GPR63: variants seen among roughly 807,000 people sequenced by gnomAD.
The protein encoded by GPR63 is G protein-coupled receptor 63.
Under a neutral mutation model 23.1 loss-of-function variants are expected in GPR63, and 12 were observed. The ratio of observed to expected loss-of-function variants is 0.52; its 90% CI spans 0.33 to 0.84. The LOEUF (loss-of-function observed/expected upper bound fraction) is 0.84, where lower values mean the gene tolerates loss of function less well. Ranked by LOEUF, GPR63 falls within the 40% of genes least tolerant of loss-of-function variation. GPR63 has a pLI of 0.02. For missense variants in GPR63, 472 were observed against 515.6 expected, an observed-to-expected ratio of 0.92 and a Z score of 0.82; for synonymous variants, 172 against 191.1, an observed-to-expected ratio of 0.90 and a Z score of 0.82.
At position 96,798,429 on chromosome 6, in the gene GPR63, A is replaced by G. The variant is rs751094248; in HGVS notation, c.*43T>C. 3 of 1,583,290 alleles carry G rather than the reference A, an allele frequency of 1.9e-6. No homozygotes were observed. Among genetic ancestry groups the G allele is most frequent in the Non-Finnish European group, 2.6e-6 (3 of 1,164,358 alleles). ...CTATGAGAAAGAGAATTCAATGTCAATAAAGAACAAGCATCACCCAAAATG... is the reference window on the plus strand; with the variant it reads ...CTATGAGAAAGAGAATTCAATGTCAGTAAAGAACAAGCATCACCCAAAATG... On this transcript the variant is annotated 3_prime_UTR_variant, in exon 2 of 2. Coordinates refer to ENST00000229955, the MANE Select transcript of GPR63 (RefSeq NM_030784.4).
chr6:96,813,341 T>C (rs756780789), intron 1 of GPR63, among the ~76,000 whole-genome samples: 27 of 152,190 alleles, frequency 1.8e-4, no homozygotes, highest in Admixed American at 4.6e-4. Context: ...TTCCTTTTGC[T>C]TTGAATATAT....
intron 1 of GPR63, among the ~76,000 whole-genome samples, chr6:96,807,737 A>T (rs945549564): frequency 2.6e-5 from 4 of 152,236 alleles, no homozygotes; most frequent in Non-Finnish European, 5.9e-5. Context: ...GATATTCAGT[A>T]TTCAAAGGGG....
chr6:96,833,895 C>G (rs750310937), intron 1 of GPR63, among the ~76,000 whole-genome samples: 18 of 151,978 alleles, frequency 1.2e-4, no homozygotes, highest in Admixed American at 4.6e-4. Flanking sequence ...AATAATAACC[C>G]TATTATTAAT....
In GPR63 at chr6:96,798,188, C is replaced by G. The variant is rs1250852296; in HGVS notation, c.*284G>C. On this transcript the variant is annotated 3_prime_UTR_variant, in exon 2 of 2. Transcript: ENST00000229955. ...GCTCAATAAAGCACAATCCTGATTC[C>G]CACTATGAAAACAAAATCAATCAAG... is the stretch of plus-strand genomic sequence containing the variant. 2 of 329,046 alleles carry G rather than the reference C, an allele frequency of 6.1e-6. No individual in the cohort carries two copies. Among genetic ancestry groups the G allele is most frequent in the Non-Finnish European group, 1.1e-5 (2 of 180,504 alleles). The allele number at this position is 329,046 out of a possible 1,614,324, so 20.4% of individuals were successfully genotyped here. A position where few individuals can be genotyped will look rare whatever the true frequency, so the allele number is the denominator to read the frequency against.
intron 1 of GPR63, among the ~76,000 whole-genome samples, chr6:96,801,226 T>TTC (rs1554190911): frequency 1.3e-5 from 2 of 150,100 alleles, no homozygotes; most frequent in South Asian, 2.1e-4. Context: ...TTTTTTTTTT[T>TTC]CCAGACAGAG....
intron 1 of GPR63, among the ~76,000 whole-genome samples, chr6:96,810,075 A>C (rs1774002626): frequency 6.6e-6 from 1 of 152,214 alleles, no homozygotes. Flanking sequence ...AATATTAAAC[A>C]ATTTAAATAT....
rs903071306 is a variant in GPR63 at position 96,794,521 on chromosome 6, A to T, written c.*3951T>A. The T allele has an allele frequency of 6.6e-6, 1 of 152,244 alleles. No individual in the cohort carries two copies. The highest frequency in any genetic ancestry group is 2.4e-5 in the African/African-American group (1 of 41,464). 9.4% of individuals were successfully genotyped at this position (152,244 alleles called of 1,614,324 possible). ...GTGAAAACTTTTCTGTGATATATACAGAAATGATACATATGTAAATATTTT... is the reference window on the plus strand; with the variant it reads ...GTGAAAACTTTTCTGTGATATATACTGAAATGATACATATGTAAATATTTT... On this transcript the variant is annotated 3_prime_UTR_variant, in exon 2 of 2. Coordinates refer to ENST00000229955, the MANE Select transcript of GPR63 (RefSeq NM_030784.4).
rs201513316 is a variant in GPR63, at chr6:96,799,720, C to T, written c.12G>A (p.Ser4=). The change falls in exon 2 of 2, where the codon TCG becomes TCA. Residue 4 remains serine, a synonymous_variant. Coordinates refer to ENST00000229955, the MANE Select transcript of GPR63 (RefSeq NM_030784.4). MVF[S]AVLTAFHTGT... ...CGGTATGGAACGCAGTCAACACTGCCGAGAAGACCATGGTTTCAGTAGGAT... is the reference window on the plus strand; with the variant it reads ...CGGTATGGAACGCAGTCAACACTGCTGAGAAGACCATGGTTTCAGTAGGAT... The T allele has an allele frequency of 5.9e-5, 95 of 1,614,020 alleles. No individual in the cohort carries two copies. The highest frequency in any genetic ancestry group is 8.3e-5 in the Admixed American group (5 of 60,008).
At chr6:96,829,187 C>T (rs546924049) in intron 1 of GPR63, among the ~76,000 whole-genome samples, 2 of 152,162 alleles carry the variant, frequency 1.3e-5, no homozygotes, top group African/African-American at 4.8e-5. Context: ...GAATACACAT[C>T]GTTTTAAAGC....
chr6:96,814,487 T>C (rs1349781399), intron 1 of GPR63, among the ~76,000 whole-genome samples: 1 of 152,134 alleles, frequency 6.6e-6, no homozygotes, highest in African/African-American at 2.4e-5. Context: ...TGTTCCCCAT[T>C]TTCAAGAGAA....
At chr6:96,802,706 ATTT>A (rs370548140) in intron 1 of GPR63, among the ~76,000 whole-genome samples, 10 of 144,744 alleles carry the variant, frequency 6.9e-5, no homozygotes, top group African/African-American at 2.3e-4. Flanking sequence ...TGCCCAGCTA[ATTT>A]TTTTTTTTTT....
At chr6:96,819,753 CG>C (rs1774257780) in intron 1 of GPR63, among the ~76,000 whole-genome samples, 3 of 147,308 alleles carry the variant, frequency 2.0e-5, no homozygotes, top group South Asian at 2.2e-4. Flanking sequence ...CAAAAAAAAA[CG>C]GGTAGATCAC....
chr6:96,833,164 G>A (rs966584186), intron 1 of GPR63, among the ~76,000 whole-genome samples: 2 of 152,132 alleles, frequency 1.3e-5, no homozygotes, highest in African/African-American at 4.8e-5. Flanking sequence ...ATGATGAAAA[G>A]AATGGATCTT....
chr6:96,809,130 C>G (rs541079589), intron 1 of GPR63, among the ~76,000 whole-genome samples: 1 of 152,214 alleles, frequency 6.6e-6, no homozygotes, highest in South Asian at 2.1e-4. Flanking sequence ...TTTCTAATCT[C>G]CAATAAAAGA....
chr6:96,798,516 G>A lies in GPR63; in HGVS notation c.1216C>T (p.Pro406Ser). 3 of 1,614,152 alleles carry A rather than the reference G, an allele frequency of 1.9e-6. No individual in the cohort carries two copies. Among genetic ancestry groups the A allele is most frequent in the Non-Finnish European group, 1.7e-6 (2 of 1,180,036 alleles). Residue 406 changes from proline (P) to serine (S), a missense_variant, in exon 2 of 2, where the codon CCT becomes TCT. Coordinates refer to ENST00000229955, the MANE Select transcript of GPR63 (RefSeq NM_030784.4). Reference sequence around the variant, plus strand: ...TCCCCACACACATAGACAGCACTAGGACGTATCCGTCGCTTTGTGTGACCA... The same window carrying A: ...TCCCCACACACATAGACAGCACTAGAACGTATCCGTCGCTTTGTGTGACCA... ...LPGHTKRRIR[P>S]SAVYVCGEHR...
In GPR63 at chr6:96,795,841, TTA is replaced by T. The variant is rs1332304693; in HGVS notation, c.*2629_*2630del. The stretch of plus-strand genomic sequence containing the variant: ...TATCAATATCTGCTTGAAATCTAGT[TTA>T]TATGGAAAATGGAGAGCATAATACA... On this transcript the variant is annotated 3_prime_UTR_variant, in exon 2 of 2. Coordinates refer to ENST00000229955, the MANE Select transcript of GPR63 (RefSeq NM_030784.4). The T allele has an allele frequency of 6.6e-6, 1 of 152,172 alleles. No homozygotes were observed. Among genetic ancestry groups the T allele is most frequent in the Non-Finnish European group, 1.5e-5 (1 of 68,040 alleles). 9.4% of individuals were successfully genotyped at this position (152,172 alleles called of 1,614,324 possible). A position where few individuals can be genotyped will look rare whatever the true frequency, so the allele number is the denominator to read the frequency against.
intron 1 of GPR63, among the ~76,000 whole-genome samples, chr6:96,814,432 T>C (rs1284916560): frequency 1.3e-5 from 2 of 152,184 alleles, no homozygotes; most frequent in Non-Finnish European, 2.9e-5. Flanking sequence ...GACCTTAACA[T>C]ATATTATTGC....
At chr6:96,811,978 C>CT in intron 1 of GPR63, among the ~76,000 whole-genome samples, 1 of 152,006 alleles carries the variant, frequency 6.6e-6, no homozygotes, top group East Asian at 1.9e-4. Context: ...ACAATGTCTA[C>CT]TTTTTTTGTC....
Position 96,798,615 on chromosome 6 carries a change from A to G in GPR63, c.1117T>C (p.Trp373Arg). 6.2e-7 allele frequency: 1 copy of G among 1,614,232 alleles called. No homozygotes were observed. Among genetic ancestry groups the G allele is most frequent in the Non-Finnish European group, 8.5e-7 (1 of 1,180,034 alleles). ...GCATCATGGAATTTCTTAATCCTCC[A>G]GTAGTAGATCAGCGGATTCAATGCA... The part of the protein sequence containing the change: ...KSALNPLIYY[W>R]RIKKFHDACL... The change falls in exon 2 of 2, where the codon TGG becomes CGG. Residue 373 changes from tryptophan (W) to arginine (R), a missense_variant. Physicochemically the swap from Trp to Arg is moderately radical, Grantham distance 101. Transcript: ENST00000229955.
Sources: gnomAD v4.1 joint callset for allele counts (sites outside exome capture counted in the v4.1 genomes callset) on GRCh38, gnomAD v4.1.1 for gene constraint, MANE v1.5 for transcripts, NCBI Gene and HGNC (gene_info 2026-07-23, HGNC 2026-07-21) for gene names.